The following PDE10A variants were observed in gnomAD, a reference collection of about 807,000 sequenced individuals.
PDE10A encodes cAMP and cAMP-inhibited cGMP 3',5'-cyclic phosphodiesterase 10A.
A neutral mutation model predicts 97.7 loss-of-function variants in PDE10A; 39 were observed. That is an observed-to-expected ratio of 0.40 (90% confidence interval 0.31 to 0.52). The LOEUF is 0.52. Ranked by LOEUF, PDE10A falls within the 20% of genes least tolerant of loss-of-function variation. PDE10A has a pLI of 0.56. For synonymous variants in PDE10A, 371 were observed against 376.8 expected (o/e 0.98, Z 0.18); for missense variants, 731 against 1,047.8 (o/e 0.70, Z 4.17).
chr6:165,443,111 C>CAA (rs149435215), intron 5 of PDE10A, among the ~76,000 whole-genome samples: 618 of 59,300 alleles, frequency 0.01, 17 homozygotes, highest in African/African-American at 0.014. Flanking sequence ...GGCTCTGTCT[C>CAA]AAAAAAAAAA....
Position 165,806,648 on chromosome 6 carries a change from C to CA in PDE10A, c.-615+180880_-615+180881insT, listed in dbSNP as rs1779148358. Among the ~76,000 whole-genome samples, 3 of 121,760 alleles carry CA rather than the reference C, an allele frequency of 2.5e-5. No homozygotes were observed. The Admixed American group carries it at 2.8e-4, about 11-fold the overall frequency. 79.9% of individuals were successfully genotyped at this position (121,760 alleles called of 152,430 possible). The stretch of plus-strand genomic sequence containing the variant: ...GGACATGCTGCATGGCTCTGCTGAG[C>CA]GCCCCCCCCCAGGCTCTTCTTTAGA... On this transcript the variant is annotated intron_variant, in intron 1 of 19. Coordinates refer to the PDE10A transcript ENST00000366882.
intron 18 of PDE10A, among the ~76,000 whole-genome samples, chr6:165,365,015 G>GA (rs544795827): frequency 1.3e-5 from 2 of 151,040 alleles, no homozygotes; most frequent in African/African-American, 4.9e-5. Flanking sequence ...AGAGAAACAA[G>GA]AAAAAAATCC....
chr6:165,339,311 G>A lies in PDE10A; in HGVS notation c.2943C>T (p.Asp981=). 6.2e-7 allele frequency: 1 copy of A among 1,606,134 alleles called. No homozygotes were observed. Among genetic ancestry groups the A allele is most frequent in the Non-Finnish European group, 8.5e-7 (1 of 1,173,248 alleles). The change falls in exon 20 of 22, where the codon GAC becomes GAT. Residue 981 remains aspartate, a synonymous_variant. Coordinates refer to ENST00000539869, the MANE Select transcript of PDE10A (RefSeq NM_001385079.1). ...KLGIQPIPMM[D]RDKKDEVPQG... ...GGGGGACTTCATCCTTCTTGTCTCT[G>A]TCCATCATAGGAATAGGCTGTATTC...
intron 1 of PDE10A, among the ~76,000 whole-genome samples, chr6:165,668,604 A>G (rs549250088): frequency 1.7e-4 from 26 of 152,276 alleles, no homozygotes; most frequent in African/African-American, 5.8e-4. Flanking sequence ...AGAAGTAAGG[A>G]TTAAAATGGC....
chr6:165,520,142 C>A (rs900240945), intron 2 of PDE10A, among the ~76,000 whole-genome samples: 5 of 152,262 alleles, frequency 3.3e-5, no homozygotes, highest in African/African-American at 1.2e-4. Flanking sequence ...GTGATAACAC[C>A]ATCAAGTTCC....
At chr6:165,987,495 G>A in intron 1 of PDE10A, 1 of 355,358 alleles carries the variant, frequency 2.8e-6, no homozygotes, top group Non-Finnish European at 5.6e-6. Flanking sequence ...GACTCTCAAG[G>A]GTTAAATAAT....
chr6:165,513,896 T>C (rs1464623158), intron 2 of PDE10A, among the ~76,000 whole-genome samples: 2 of 152,266 alleles, frequency 1.3e-5, no homozygotes, highest in East Asian at 3.9e-4. Context: ...TAGTTTTTTG[T>C]GAAGTGTTTT....
At chr6:165,646,085 C>G (rs1789382511) in intron 1 of PDE10A, among the ~76,000 whole-genome samples, 1 of 152,146 alleles carries the variant, frequency 6.6e-6, no homozygotes, top group African/African-American at 2.4e-5. Context: ...GCCAGCCTGG[C>G]ACAGACCAGG....
intron 1 of PDE10A, among the ~76,000 whole-genome samples, chr6:165,960,885 C>G (rs1177810459): frequency 6.6e-6 from 1 of 152,154 alleles, no homozygotes; most frequent in African/African-American, 2.4e-5. Flanking sequence ...GGAGGCAGCT[C>G]TGCGCTGGCC....
chr6:165,516,861 T>G (rs1781840128), intron 2 of PDE10A, among the ~76,000 whole-genome samples: 1 of 151,978 alleles, frequency 6.6e-6, no homozygotes, highest in Non-Finnish European at 1.5e-5. Flanking sequence ...AAACCTACTT[T>G]TAGACAATGT....
At chr6:165,433,171 GATCATT>G in intron 6 of PDE10A, 42 bp from the exon 7 acceptor site, 1 of 1,434,658 alleles carries the variant, frequency 7.0e-7, no homozygotes, top group Non-Finnish European at 9.7e-7. Flanking sequence ...TCAGTGAAAT[GATCATT>G]AAGTGATGAT....
At chr6:165,446,135 T>C (rs978975681) in intron 5 of PDE10A, among the ~76,000 whole-genome samples, 3 of 152,218 alleles carry the variant, frequency 2.0e-5, no homozygotes, top group African/African-American at 7.2e-5. Context: ...AGTATCTTTA[T>C]TTTAGTCAAT....
chr6:165,916,153 T>C lies in PDE10A; in HGVS notation c.-615+71376A>G, dbSNP rs769967589. ...GTAATGATTCCATTTTAAATATTCT[T>C]TTAAAACGTTGTCAGCAATTGTCAG... On this transcript the variant is annotated intron_variant, in intron 1 of 19. Transcript: ENST00000366882. Among the ~76,000 whole-genome samples, 66 of 152,358 alleles carry C rather than the reference T, an allele frequency of 4.3e-4. 1 individual carries two copies. Among genetic ancestry groups the C allele is most frequent in the Non-Finnish European group, 7.9e-4 (54 of 68,040 alleles).
chr6:165,673,857 A>C (rs1339071497), intron 1 of PDE10A, among the ~76,000 whole-genome samples: 2 of 152,204 alleles, frequency 1.3e-5, no homozygotes, highest in Non-Finnish European at 2.9e-5. Context: ...TCTTTGATCC[A>C]CGGGTTATAT....
chr6:165,708,462 T>A (rs1342793645), intron 1 of PDE10A, among the ~76,000 whole-genome samples: 4 of 151,934 alleles, frequency 2.6e-5, no homozygotes, highest in South Asian at 2.1e-4. Flanking sequence ...GAACCCTGCA[T>A]TTCATGTCCG....
intron 2 of PDE10A, among the ~76,000 whole-genome samples, chr6:165,529,135 G>A (rs1227933555): frequency 1.3e-5 from 2 of 152,156 alleles, no homozygotes; most frequent in Non-Finnish European, 2.9e-5. Flanking sequence ...CTGGAAGATT[G>A]CCACAGGGAC....
chr6:165,735,025 T>TTAGG (rs1562710413), intron 1 of PDE10A, among the ~76,000 whole-genome samples: 1 of 128,252 alleles, frequency 7.8e-6, no homozygotes, highest in Non-Finnish European at 1.6e-5. Flanking sequence ...AGGTAGGTAG[T>TTAGG]TAGGTAGGTA....
At chr6:165,663,407 C>G (rs548502349), upstream of PDE10A, among the ~76,000 whole-genome samples, 1 of 152,212 alleles carries the variant, frequency 6.6e-6, no homozygotes, top group African/African-American at 2.4e-5. Context: ...ACCGCTGCGT[C>G]TCTGCCCTGC....
At chr6:165,687,206 G>A (rs976396346) in intron 1 of PDE10A, among the ~76,000 whole-genome samples, 2 of 152,228 alleles carry the variant, frequency 1.3e-5, no homozygotes, top group Non-Finnish European at 2.9e-5. Flanking sequence ...TGCCAGCCAC[G>A]TCACCACCAC....
Sources: allele counts gnomAD v4.1 joint callset (sites outside exome capture counted in the v4.1 genomes callset), GRCh38; gene constraint gnomAD v4.1.1; transcripts MANE v1.5; gene names NCBI Gene and HGNC (gene_info 2026-07-23, HGNC 2026-07-21).